The following SGCZ variants were observed in gnomAD, a reference collection of about 807,000 sequenced individuals.
SGCZ encodes zeta-sarcoglycan.
Under a neutral mutation model 41.3 loss-of-function variants are expected in SGCZ, and 40 were observed. The observed-to-expected ratio is 0.97, with a 90% CI of 0.75 to 1.26. The LOEUF is 1.26. SGCZ is among the 50% of genes most tolerant of loss of function. SGCZ has a pLI of 0.00. For synonymous variants in SGCZ, 206 were observed against 137.5 expected (o/e 1.50, Z -3.49); for missense variants, 552 against 369.8 (o/e 1.49, Z -4.04).
At chr8:14,874,548 A>G (rs1300518214) in intron 1 of SGCZ, among the ~76,000 whole-genome samples, 2 of 152,282 alleles carry the variant, frequency 1.3e-5, no homozygotes, top group Non-Finnish European at 2.9e-5. Context: ...TATGATTAAA[A>G]TGATTTATAT....
intron 1 of SGCZ, among the ~76,000 whole-genome samples, chr8:14,848,340 A>G (rs547930648): frequency 2.8e-4 from 42 of 152,284 alleles, no homozygotes; most frequent in Admixed American, 5.9e-4. Flanking sequence ...TTTTCTGTGG[A>G]AATTGACAAA....
chr8:14,934,702 T>C lies in SGCZ; in HGVS notation c.39+302883A>G, dbSNP rs1226828891. On this transcript the variant is annotated intron_variant, in intron 1 of 7. Coordinates refer to ENST00000382080, the MANE Select transcript of SGCZ (RefSeq NM_139167.4). Reference sequence around the variant, plus strand: ...AGGGATAATAATAAAGGATAATTTTTTAAAGTGATGAAAGATATAAATTTT... The same window carrying C: ...AGGGATAATAATAAAGGATAATTTTCTAAAGTGATGAAAGATATAAATTTT... 2.0e-5 allele frequency among the ~76,000 whole-genome samples: 3 copies of C among 151,616 alleles called. 1 individual carries two copies. The highest frequency in any genetic ancestry group is 4.9e-5 in the African/African-American group (2 of 41,188).
chr8:14,942,856 C>A (rs1800322508), intron 1 of SGCZ, among the ~76,000 whole-genome samples: 2 of 152,006 alleles, frequency 1.3e-5, no homozygotes, highest in South Asian at 4.2e-4. Context: ...ATCTTATTAC[C>A]CTCATTTCCA....
At chr8:15,016,078 G>T (rs370641982) in intron 1 of SGCZ, among the ~76,000 whole-genome samples, 8 of 151,996 alleles carry the variant, frequency 5.3e-5, no homozygotes, top group Non-Finnish European at 1.0e-4. Context: ...CTGCTGATTA[G>T]CCATAACGAG....
Position 15,061,768 on chromosome 8 carries a change from G to C in SGCZ, c.39+175817C>G, listed in dbSNP as rs148881478. Among the ~76,000 whole-genome samples, 118 of 152,090 alleles carry C rather than the reference G, an allele frequency of 7.8e-4. 1 individual carries two copies. In the Middle Eastern group the frequency reaches 0.01, roughly 13 times the overall value. The stretch of plus-strand genomic sequence containing the variant: ...CAATGACTTCCCATTCTCCAAAAGT[G>C]AGACAGATAAATTTCTATCATTTAT... On this transcript the variant is annotated intron_variant, in intron 1 of 7. Transcript: ENST00000382080.
At chr8:14,779,075 A>G (rs537622985) in intron 1 of SGCZ, among the ~76,000 whole-genome samples, 1 of 152,212 alleles carries the variant, frequency 6.6e-6, no homozygotes, top group South Asian at 2.1e-4. Flanking sequence ...ACTCAAGTGC[A>G]TATTTTCAAG....
intron 1 of SGCZ, among the ~76,000 whole-genome samples, chr8:14,980,221 G>A (rs1325409083): frequency 1.3e-5 from 2 of 152,074 alleles, no homozygotes; most frequent in Non-Finnish European, 2.9e-5. Context: ...TGGCCTGACT[G>A]TGCTCTTTCC....
intron 3 of SGCZ, among the ~76,000 whole-genome samples, chr8:14,247,868 T>G (rs964308633): frequency 1.3e-5 from 2 of 152,200 alleles, no homozygotes; most frequent in Admixed American, 1.3e-4. Flanking sequence ...AGACTGCATG[T>G]TGACTAAGTA....
chr8:14,971,667 A>AT (rs1801302240), intron 1 of SGCZ, among the ~76,000 whole-genome samples: 1 of 67,770 alleles, frequency 1.5e-5, no homozygotes, highest in Admixed American at 1.5e-4. Flanking sequence ...TTTTTTTTTA[A>AT]TGCGACGGAG....
intron 1 of SGCZ, among the ~76,000 whole-genome samples, chr8:14,989,444 C>G (rs1801932869): frequency 1.3e-5 from 2 of 151,998 alleles, no homozygotes; most frequent in Admixed American, 6.6e-5. Context: ...TACGATCACA[C>G]CACTGCACTC....
At chr8:14,289,250 A>G (rs1800756439) in intron 3 of SGCZ, among the ~76,000 whole-genome samples, 1 of 150,290 alleles carries the variant, frequency 6.7e-6, no homozygotes, top group Admixed American at 6.6e-5. Context: ...ACTGTCCTTT[A>G]ATGAGTATTT....
chr8:14,505,599 A>T (rs886645390), intron 2 of SGCZ, among the ~76,000 whole-genome samples: 1 of 152,110 alleles, frequency 6.6e-6, no homozygotes, highest in African/African-American at 2.4e-5. Context: ...CCTAGTTTTT[A>T]TGTTAATGTC....
intron 1 of SGCZ, among the ~76,000 whole-genome samples, chr8:15,237,269 G>A (rs905631924): frequency 9.2e-5 from 14 of 151,920 alleles, no homozygotes; most frequent in African/African-American, 2.4e-4. Context: ...CCGGGGAGAC[G>A]AGCCGGCAAG....
At chr8:14,868,109 G>C (rs559352359) in intron 1 of SGCZ, among the ~76,000 whole-genome samples, 1 of 152,042 alleles carries the variant, frequency 6.6e-6, no homozygotes, top group Admixed American at 6.6e-5. Flanking sequence ...AAGCCTCTGC[G>C]TTCGCTGTTC....
chr8:14,273,186 A>G (rs957983839), intron 3 of SGCZ, among the ~76,000 whole-genome samples: 4 of 152,122 alleles, frequency 2.6e-5, no homozygotes, highest in Admixed American at 1.3e-4. Context: ...AAATATTGAT[A>G]AAAAGAATAA....
intron 2 of SGCZ, among the ~76,000 whole-genome samples, chr8:14,346,313 T>C (rs922914396): frequency 6.6e-6 from 1 of 152,088 alleles, no homozygotes; most frequent in Admixed American, 6.6e-5. Context: ...TATTTTAATA[T>C]CTTTGAGATA....
intron 1 of SGCZ, among the ~76,000 whole-genome samples, chr8:14,903,865 A>C (rs1799045431): frequency 6.6e-6 from 1 of 152,056 alleles, no homozygotes; most frequent in African/African-American, 2.4e-5. Context: ...ATTTAAATAG[A>C]ATAAATATAC....
intron 3 of SGCZ, among the ~76,000 whole-genome samples, chr8:14,281,554 G>T (rs1317168892): frequency 1.3e-5 from 2 of 151,852 alleles, no homozygotes; most frequent in African/African-American, 4.8e-5. Flanking sequence ...ATTTTAAAAG[G>T]TTTGGGGGCC....
At chr8:15,036,384 C>A (rs947093670) in intron 1 of SGCZ, among the ~76,000 whole-genome samples, 2 of 151,944 alleles carry the variant, frequency 1.3e-5, no homozygotes, top group African/African-American at 4.8e-5. Context: ...AGGGGAGTAA[C>A]ACACAGTGGG....
Sources: gnomAD v4.1 joint callset for allele counts (sites outside exome capture counted in the v4.1 genomes callset) on GRCh38, gnomAD v4.1.1 for gene constraint, MANE v1.5 for transcripts, NCBI Gene and HGNC (gene_info 2026-07-23, HGNC 2026-07-21) for gene names.